LNX2: variants seen among roughly 807,000 people sequenced by gnomAD.
LNX2 encodes ligand of Numb protein X 2.
Under a neutral mutation model 66.2 loss-of-function variants are expected in LNX2, and 35 were observed. The ratio of observed to expected loss-of-function variants is 0.53; its 90% confidence interval spans 0.40 to 0.70. The LOEUF is 0.70. LNX2 is among the 30% of genes least tolerant of loss of function. The pLI is 0.00. For missense variants in LNX2, 791 were observed against 850.8 expected (o/e 0.93, Z 0.87); for synonymous variants, 337 against 315.6 (o/e 1.07, Z -0.72).
intron 1 of LNX2, among the ~76,000 whole-genome samples, chr13:27,599,619 GAAGT>G (rs1193496539): frequency 6.6e-6 from 1 of 152,140 alleles, no homozygotes; most frequent in East Asian, 1.9e-4. Flanking sequence ...CTATAATTAG[GAAGT>G]AAGTTAGGAA....
At chr13:27,588,763 TATTC>T (rs1190042177) in intron 1 of LNX2, among the ~76,000 whole-genome samples, 2 of 152,220 alleles carry the variant, frequency 1.3e-5, no homozygotes, top group African/African-American at 2.4e-5. Context: ...TATCTGTCTG[TATTC>T]ATTATGTTAG....
intron 1 of LNX2, among the ~76,000 whole-genome samples, chr13:27,598,225 T>C (rs1330799081): frequency 2.9e-5 from 4 of 138,704 alleles, no homozygotes; most frequent in Non-Finnish European, 3.1e-5. Flanking sequence ...AAAAAAGACA[T>C]GATCAACACC....
intron 9 of LNX2, among the ~76,000 whole-genome samples, chr13:27,549,726 A>G (rs1294959013): frequency 6.6e-6 from 1 of 152,260 alleles, no homozygotes; most frequent in Non-Finnish European, 1.5e-5. Context: ...TTGTACATTC[A>G]TTCATCAAAT....
At chr13:27,591,129 G>A in intron 1 of LNX2, among the ~76,000 whole-genome samples, 1 of 152,148 alleles carries the variant, frequency 6.6e-6, no homozygotes, top group Non-Finnish European at 1.5e-5. Context: ...TCAGGGGCAG[G>A]GACCAGAGCC....
chr13:27,565,615 A>C (rs1387810746), intron 4 of LNX2, among the ~76,000 whole-genome samples: 1 of 152,214 alleles, frequency 6.6e-6, no homozygotes, highest in Non-Finnish European at 1.5e-5. Flanking sequence ...GGATAACTAA[A>C]TAGCTAGCTA....
intron 2 of LNX2, among the ~76,000 whole-genome samples, chr13:27,576,780 C>T (rs908237481): frequency 2.0e-5 from 3 of 150,522 alleles, no homozygotes; most frequent in Non-Finnish European, 4.4e-5. Flanking sequence ...TTGAACAATA[C>T]ACATTATGAT....
At chr13:27,592,259 T>G (rs1418325095) in intron 1 of LNX2, among the ~76,000 whole-genome samples, 1 of 152,140 alleles carries the variant, frequency 6.6e-6, no homozygotes, top group Non-Finnish European at 1.5e-5. Flanking sequence ...ATGAACATAG[T>G]TGAGATAGAG....
intron 7 of LNX2, 81 bp downstream of exon 7, chr13:27,556,155 T>C: frequency 7.6e-7 from 1 of 1,322,752 alleles, no homozygotes; most frequent in Non-Finnish European, 1.1e-6. Context: ...AATAGATACT[T>C]TGTAGATATT....
chr13:27,575,062 TA>T lies in LNX2; in HGVS notation c.408-5787del, dbSNP rs555886577. 2.6e-5 allele frequency among the ~76,000 whole-genome samples: 4 copies of T among 152,278 alleles called. No homozygotes were observed. The South Asian group carries it at 8.3e-4, about 32-fold the overall frequency. ...AGCATGCTTAACCTGCAAGAAACACTAAAAGAAGTCCATCAGGCTGATGTGA... is the reference window on the plus strand; with the variant it reads ...AGCATGCTTAACCTGCAAGAAACACTAAAGAAGTCCATCAGGCTGATGTGA... On this transcript the variant is annotated intron_variant, in intron 2 of 9. Coordinates refer to ENST00000316334, the MANE Select transcript of LNX2 (RefSeq NM_153371.4).
chr13:27,605,071 G>A lies in LNX2; in HGVS notation c.-101+15304C>T, dbSNP rs186227597. Among the ~76,000 whole-genome samples the A allele has an allele frequency of 4.6e-5, 7 of 151,970 alleles. No individual in the cohort carries two copies. In the East Asian group the frequency reaches 9.7e-4, roughly 21 times the overall value. ...GTCAGGGTAATTATATGCTTTTTCC[G>A]GGTCCAGTCTCTGCAACAAAGAACC... On this transcript the variant is annotated intron_variant, in intron 1 of 9. Coordinates refer to ENST00000316334, the MANE Select transcript of LNX2 (RefSeq NM_153371.4).
intron 1 of LNX2, among the ~76,000 whole-genome samples, chr13:27,611,047 C>T (rs1299124054): frequency 1.3e-5 from 2 of 152,142 alleles, no homozygotes; most frequent in East Asian, 1.9e-4. Context: ...AATGAAAAAC[C>T]GTATGGAGGT....
chr13:27,600,925 A>C (rs1432117048), intron 1 of LNX2, among the ~76,000 whole-genome samples: 1 of 152,174 alleles, frequency 6.6e-6, no homozygotes, highest in African/African-American at 2.4e-5. Flanking sequence ...AGAATCACAA[A>C]GACTAAAGTG....
intron 2 of LNX2, among the ~76,000 whole-genome samples, 156 bp downstream of exon 2, chr13:27,581,141 T>C (rs1178760603): frequency 6.6e-6 from 1 of 152,266 alleles, no homozygotes; most frequent in African/African-American, 2.4e-5. Context: ...TGTTAAATAC[T>C]GTTCCATACA....
intron 2 of LNX2, among the ~76,000 whole-genome samples, chr13:27,575,027 G>A (rs1566121794): frequency 6.6e-6 from 1 of 152,158 alleles, no homozygotes; most frequent in African/African-American, 2.4e-5. Context: ...AAAACAAAAT[G>A]TTTGTTGGTA....
chr13:27,585,501 C>T (rs1955474897), intron 1 of LNX2, among the ~76,000 whole-genome samples: 1 of 151,708 alleles, frequency 6.6e-6, no homozygotes, highest in Non-Finnish European at 1.5e-5. Context: ...ATCTAAACTC[C>T]TATCAATACC....
intron 2 of LNX2, among the ~76,000 whole-genome samples, chr13:27,572,886 A>G (rs1955300175): frequency 6.6e-6 from 1 of 152,246 alleles, no homozygotes; most frequent in Non-Finnish European, 1.5e-5. Flanking sequence ...ACACCTTAGA[A>G]TCAAGAAAAA....
chr13:27,614,826 G>C (rs1447979645), intron 1 of LNX2, among the ~76,000 whole-genome samples: 2 of 152,126 alleles, frequency 1.3e-5, no homozygotes, highest in Non-Finnish European at 2.9e-5. Flanking sequence ...AACGGGGAAG[G>C]GGGTGGCAGG....
rs1954933617 is a variant in LNX2 at position 27,546,008 on chromosome 13, A to C, written c.*2327T>G. 6.6e-6 allele frequency: 1 copy of C among 152,376 alleles called. No homozygotes were observed. Among genetic ancestry groups the C allele is most frequent in the African/African-American group, 2.4e-5 (1 of 41,594 alleles). 9.4% of individuals were successfully genotyped at this position (152,376 alleles called of 1,614,324 possible). The stretch of plus-strand genomic sequence containing the variant: ...GAAATAATTTAAACTGAAGGCACAG[A>C]ACAAACCAAAATATTTAACTATCAG... On this transcript the variant is annotated 3_prime_UTR_variant, in exon 10 of 10. Coordinates refer to ENST00000316334, the MANE Select transcript of LNX2 (RefSeq NM_153371.4).
At chr13:27,612,241 T>A (rs137989757) in intron 1 of LNX2, among the ~76,000 whole-genome samples, 11 of 152,210 alleles carry the variant, frequency 7.2e-5, no homozygotes, top group Non-Finnish European at 1.5e-5. Flanking sequence ...AAAACCCTCA[T>A]TGGGGCTAAC....
Sources: gnomAD v4.1 joint callset for allele counts (sites outside exome capture counted in the v4.1 genomes callset) on GRCh38, gnomAD v4.1.1 for gene constraint, MANE v1.5 for transcripts, NCBI Gene and HGNC (gene_info 2026-07-23, HGNC 2026-07-21) for gene names.